SHROOM4: variants seen among roughly 807,000 people sequenced by gnomAD.
SHROOM4 encodes the protein protein Shroom4.
A neutral mutation model predicts 80.3 loss-of-function variants in SHROOM4; 17 were observed. The observed-to-expected ratio is 0.21, with a 90% confidence interval of 0.14 to 0.32. SHROOM4 has a LOEUF of 0.32. Ranked by LOEUF, SHROOM4 falls within the 10% of genes least tolerant of loss-of-function variation. SHROOM4 has a pLI of 1.00. For missense variants in SHROOM4, 993 were observed against 1,140.3 expected (o/e 0.87, Z 1.86); for synonymous variants, 400 against 437.5 (o/e 0.91, Z 1.07).
At chrX:50,735,637 GA>G (rs558876303) in intron 1 of SHROOM4, among the ~76,000 whole-genome samples, 1 of 106,629 alleles carries the variant, frequency 9.4e-6, no homozygotes, top group African/African-American at 3.4e-5. Context: ...ACAAGTCAAT[GA>G]AAAAAAAACA....
intron 1 of SHROOM4, among the ~76,000 whole-genome samples, chrX:50,784,785 T>C (rs1935706337): frequency 8.9e-6 from 1 of 111,909 alleles, no homozygotes; most frequent in Non-Finnish European, 1.9e-5. Context: ...AAATTCAAAA[T>C]TAAAACATTT....
At chrX:50,796,360 A>AT (rs1346250887) in intron 1 of SHROOM4, among the ~76,000 whole-genome samples, 2 of 111,687 alleles carry the variant, frequency 1.8e-5, no homozygotes, top group African/African-American at 3.3e-5. Flanking sequence ...TGGAAGAAAG[A>AT]TTTTTTCAAG....
In SHROOM4 at chrX:50,596,504, C is replaced by G; in HGVS notation, c.*191G>C. 1.7e-6 allele frequency: 1 copy of G among 574,529 alleles called. No individual in the cohort carries two copies. The highest frequency in any genetic ancestry group is 2.9e-6 in the Non-Finnish European group (1 of 343,589). The allele number at this position is 574,529 out of a possible 1,213,427, so 47.3% of individuals were successfully genotyped here. On this transcript the variant is annotated 3_prime_UTR_variant, in exon 9 of 9. Transcript: ENST00000376020. ...TTGCTGCAGCTCCCTTGGGTAGAAG[C>G]TTGTGGCTTCCCCAGGGTCTCCTAG...
chrX:50,770,548 G>A (rs1429156457), intron 1 of SHROOM4, among the ~76,000 whole-genome samples: 4 of 112,350 alleles, frequency 3.6e-5, no homozygotes, highest in Non-Finnish European at 7.5e-5. Flanking sequence ...GGCCCCATCA[G>A]TATGCCAGTG....
Position 50,633,581 on chromosome X carries a change from T to C in SHROOM4, c.2492A>G (p.His831Arg), listed in dbSNP as rs368790848. The C allele has an allele frequency of 8.3e-7, 1 of 1,210,186 alleles. No individual in the cohort carries two copies. The highest frequency in any genetic ancestry group is 1.1e-6 in the Non-Finnish European group (1 of 895,343). ...LRRHPMDQSY[H>R]SADQPYHATD... is the part of the protein sequence containing the mutation. The stretch of plus-strand genomic sequence containing the variant: ...GGCATGATATGGTTGGTCTGCGGAA[T>C]GATATGATTGGTCCATGGGATGGCG... The change falls in exon 4 of 9, where the codon CAT (histidine) becomes CGT (arginine). Residue 831 changes from histidine to arginine, a missense_variant. Physicochemically the swap from His to Arg is conservative, Grantham distance 29 (BLOSUM62 0). Transcript: ENST00000376020.
chrX:50,805,787 A>C (rs1291348506), intron 1 of SHROOM4, among the ~76,000 whole-genome samples: 2 of 112,027 alleles, frequency 1.8e-5, no homozygotes, highest in Non-Finnish European at 3.8e-5. Flanking sequence ...AGTTGATAAA[A>C]GAATATAAGA....
At chrX:50,729,207 T>G (rs782814529) in intron 1 of SHROOM4, among the ~76,000 whole-genome samples, 1 of 111,778 alleles carries the variant, frequency 8.9e-6, no homozygotes, top group Admixed American at 9.5e-5. Context: ...ATGTTGGACT[T>G]ACCCAAGACT....
intron 1 of SHROOM4, among the ~76,000 whole-genome samples, chrX:50,716,398 C>T (rs1049704289): frequency 5.4e-5 from 6 of 111,539 alleles, no homozygotes; most frequent in Admixed American, 9.5e-5. Flanking sequence ...TATTTTAATT[C>T]GCTCAATTTA....
rs1557255835 is a variant in SHROOM4, at chrX:50,635,487, T to C, written c.586A>G (p.Ser196Gly). Reference protein sequence around the residue: ...RDSAYSSFSASSNASDCALSL... With the variant: ...RDSAYSSFSAGSNASDCALSL... ...AGGGCACAGTCAGAAGCATTTGAGC[T>C]GGCCGAGAAGGAGCTGTAGGCTGAG... is the stretch of plus-strand genomic sequence containing the variant. Residue 196 changes from serine to glycine, a missense_variant, in exon 4 of 9, where the codon AGC becomes GGC. Physicochemically the swap from Ser to Gly is moderately conservative, Grantham distance 56. Transcript: ENST00000376020. 8.3e-6 allele frequency: 10 copies of C among 1,210,743 alleles called. No homozygotes were observed. The highest frequency in any genetic ancestry group is 1.1e-5 in the Non-Finnish European group (10 of 895,027).
At chrX:50,632,486 G>A (rs1931114106) in intron 4 of SHROOM4, among the ~76,000 whole-genome samples, 1 of 111,644 alleles carries the variant, frequency 9.0e-6, no homozygotes, top group African/African-American at 3.3e-5. Context: ...GGGGGATGGT[G>A]GTAGCTTGTG....
At chrX:50,731,733 C>A (rs1290818431) in intron 1 of SHROOM4, among the ~76,000 whole-genome samples, 1 of 111,866 alleles carries the variant, frequency 8.9e-6, no homozygotes, top group African/African-American at 3.3e-5. Context: ...TTGTCCCTAC[C>A]AGAGCCCAGA....
At chrX:50,647,738 G>A (rs1931892992) in intron 2 of SHROOM4, among the ~76,000 whole-genome samples, 2 of 111,775 alleles carry the variant, frequency 1.8e-5, no homozygotes, top group Non-Finnish European at 3.8e-5. Context: ...AAAATCCTCA[G>A]AACTACTTCT....
chrX:50,810,038 C>A (rs944207902), intron 1 of SHROOM4, among the ~76,000 whole-genome samples: 16 of 110,852 alleles, frequency 1.4e-4, no homozygotes, highest in African/African-American at 5.3e-4. Flanking sequence ...ACTATGTTGC[C>A]CAATCATGGT....
chrX:50,636,685 T>C (rs950382409), intron 3 of SHROOM4, among the ~76,000 whole-genome samples: 1 of 111,059 alleles, frequency 9.0e-6, no homozygotes, highest in Non-Finnish European at 1.9e-5. Flanking sequence ...TTCTCCAGTG[T>C]CTATTGTTCC....
At chrX:50,812,842 T>C (rs73485803) in intron 1 of SHROOM4, among the ~76,000 whole-genome samples, 1 of 111,825 alleles carries the variant, frequency 8.9e-6, no homozygotes, top group African/African-American at 3.3e-5. Flanking sequence ...TCAACTGCCA[T>C]TTAAGCGGGT....
intron 2 of SHROOM4, among the ~76,000 whole-genome samples, chrX:50,651,509 G>A (rs782782546): frequency 1.8e-5 from 2 of 111,787 alleles, no homozygotes; most frequent in Non-Finnish European, 3.8e-5. Context: ...AGAACTTGTA[G>A]GAAAGAAAAT....
intron 1 of SHROOM4, among the ~76,000 whole-genome samples, chrX:50,708,298 C>T (rs1933728765): frequency 8.9e-6 from 1 of 112,491 alleles, no homozygotes; most frequent in Non-Finnish European, 1.9e-5. Context: ...CCCTCAACCT[C>T]TCCTAAAACC....
intron 1 of SHROOM4, among the ~76,000 whole-genome samples, chrX:50,726,497 G>A (rs1934245503): frequency 8.9e-6 from 1 of 112,297 alleles, no homozygotes; most frequent in South Asian, 3.7e-4. Flanking sequence ...AGGCCTAGGA[G>A]GGAAAAATGG....
At chrX:50,771,855 G>A (rs1935400084) in intron 1 of SHROOM4, among the ~76,000 whole-genome samples, 1 of 112,019 alleles carries the variant, frequency 8.9e-6, no homozygotes, top group Non-Finnish European at 1.9e-5. Context: ...ATATGGTACT[G>A]GTGAAAATAC....
Sources: gnomAD v4.1 joint callset for allele counts (sites outside exome capture counted in the v4.1 genomes callset) on GRCh38, gnomAD v4.1.1 for gene constraint, MANE v1.5 for transcripts, NCBI Gene and HGNC (gene_info 2026-07-23, HGNC 2026-07-21) for gene names.